Variants in DACH2 observed in about 807,000 individuals in gnomAD.
DACH2 encodes the protein dachshund homolog 2.
In DACH2, 17 loss-of-function variants were observed where a neutral mutation model predicts 35.8. The observed-to-expected ratio is 0.48, with a 90% confidence interval of 0.33 to 0.71. The LOEUF (loss-of-function observed/expected upper bound fraction) is 0.71. Ranked by LOEUF, DACH2 falls within the 30% of genes least tolerant of loss-of-function variation. DACH2 has a pLI of 0.02. For synonymous variants in DACH2, 195 were observed against 177.3 expected, an observed-to-expected ratio of 1.10 and a Z score of -0.79; for missense variants, 469 against 472.7, an observed-to-expected ratio of 0.99 and a Z score of 0.07.
chrX:86,424,257 C>T (rs781502014), intron 2 of DACH2, among the ~76,000 whole-genome samples: 2 of 110,907 alleles, frequency 1.8e-5, no homozygotes, highest in African/African-American at 3.3e-5. Context: ...TTCAGTGAAC[C>T]TGTAGATTGC....
intron 3 of DACH2, among the ~76,000 whole-genome samples, chrX:86,534,225 T>C (rs770232686): frequency 4.5e-5 from 5 of 111,804 alleles, no homozygotes; most frequent in African/African-American, 1.6e-4. Flanking sequence ...GTGCCCCAAG[T>C]TGAAGCTTTA....
chrX:86,547,830 A>G (rs1484435470), intron 3 of DACH2, among the ~76,000 whole-genome samples: 1 of 111,972 alleles, frequency 8.9e-6, no homozygotes, highest in African/African-American at 3.3e-5. Flanking sequence ...GTTAATTCTG[A>G]CTGTCATTAA....
At chrX:86,469,141 A>T (rs2037722796) in intron 2 of DACH2, among the ~76,000 whole-genome samples, 1 of 111,365 alleles carries the variant, frequency 9.0e-6, no homozygotes, top group Non-Finnish European at 1.9e-5. Flanking sequence ...TAATATGTGG[A>T]GTGTGAAAAA....
intron 3 of DACH2, among the ~76,000 whole-genome samples, chrX:86,564,638 C>T (rs2039271537): frequency 9.0e-6 from 1 of 111,296 alleles, no homozygotes. Flanking sequence ...CAGTAAAAGT[C>T]AGCAGTATCT....
intron 7 of DACH2, among the ~76,000 whole-genome samples, chrX:86,800,719 G>T (rs1419275330): frequency 5.4e-5 from 6 of 111,596 alleles, no homozygotes; most frequent in African/African-American, 2.0e-4. Context: ...TCCCATCCTG[G>T]AGTGCTGTGG....
chrX:86,827,907 C>G (rs2042577279), intron 11 of DACH2: 28 of 748,397 alleles, frequency 3.7e-5, no homozygotes, highest in Middle Eastern at 5.9e-4. Context: ...ACTGTTTGTT[C>G]ATTACTGATA....
intron 3 of DACH2, among the ~76,000 whole-genome samples, chrX:86,556,787 TATATATATAGAG>T (rs1440090226): frequency 0.018 from 733 of 39,820 alleles, 2 homozygotes; most frequent in South Asian, 0.028. Flanking sequence ...TATATATATA[TATATATATAGAG>T]AGAGAGAGAG....
At chrX:86,778,750 A>G (rs953520839) in intron 7 of DACH2, among the ~76,000 whole-genome samples, 41 of 110,628 alleles carry the variant, frequency 3.7e-4, no homozygotes, top group African/African-American at 1.3e-3. Context: ...AGCTGGGTTT[A>G]CAGGCACCTG....
At chrX:86,339,881 A>G (rs1304141601) in intron 1 of DACH2, among the ~76,000 whole-genome samples, 1 of 112,233 alleles carries the variant, frequency 8.9e-6, no homozygotes, top group Non-Finnish European at 1.9e-5. Flanking sequence ...AAAATAATAC[A>G]TAAAATGGCC....
intron 11 of DACH2, among the ~76,000 whole-genome samples, chrX:86,824,205 T>C (rs1485463689): frequency 2.7e-5 from 3 of 110,806 alleles, no homozygotes; most frequent in Non-Finnish European, 3.8e-5. Flanking sequence ...CAGCCGTTTA[T>C]AGACCTCCCC....
chrX:86,258,222 G>T (rs1357676369), intron 1 of DACH2, among the ~76,000 whole-genome samples: 1 of 112,105 alleles, frequency 8.9e-6, no homozygotes, highest in Non-Finnish European at 1.9e-5. Context: ...AAATCAGAAA[G>T]TTGTTCATTT....
At chrX:86,622,992 T>C (rs747736363) in intron 3 of DACH2, among the ~76,000 whole-genome samples, 4 of 112,007 alleles carry the variant, frequency 3.6e-5, no homozygotes, top group Non-Finnish European at 7.5e-5. Context: ...TGAAGATCTT[T>C]ATATCACCTT....
intron 3 of DACH2, among the ~76,000 whole-genome samples, chrX:86,537,379 A>G (rs775373467): frequency 9.0e-6 from 1 of 110,946 alleles, no homozygotes; most frequent in East Asian, 2.9e-4. Flanking sequence ...AGCACCAGTA[A>G]TTTCTAAAGT....
chrX:86,712,265 A>G (rs752468755), intron 5 of DACH2, among the ~76,000 whole-genome samples: 2 of 111,752 alleles, frequency 1.8e-5, no homozygotes, highest in Non-Finnish European at 3.8e-5. Flanking sequence ...ATATTATAAA[A>G]TATCATTATA....
At chrX:86,506,700 T>A (rs1448108137) in intron 2 of DACH2, among the ~76,000 whole-genome samples, 1 of 111,926 alleles carries the variant, frequency 8.9e-6, no homozygotes, top group Non-Finnish European at 1.9e-5. Flanking sequence ...GGCTCTCCTC[T>A]CCACTTTTAA....
At chrX:86,813,693 AG>A (rs2042418563) in intron 9 of DACH2, among the ~76,000 whole-genome samples, 2 of 109,070 alleles carry the variant, frequency 1.8e-5, no homozygotes, top group African/African-American at 3.3e-5. Context: ...GAAACCTTGG[AG>A]GTCACTTACC....
At chrX:86,641,091 T>C (rs887605870) in intron 3 of DACH2, among the ~76,000 whole-genome samples, 6 of 112,068 alleles carry the variant, frequency 5.4e-5, no homozygotes, top group Non-Finnish European at 7.5e-5. Context: ...ACAAGAGTTC[T>C]TAACAAGGCA....
chrX:86,384,337 G>A (rs1673092167), intron 2 of DACH2, among the ~76,000 whole-genome samples: 1 of 111,549 alleles, frequency 9.0e-6, no homozygotes, highest in South Asian at 3.7e-4. Context: ...TTTCTAAAAT[G>A]GAGTTGATTC....
intron 2 of DACH2, among the ~76,000 whole-genome samples, chrX:86,444,719 C>A (rs1302617402): frequency 9.0e-6 from 1 of 110,698 alleles, no homozygotes; most frequent in Non-Finnish European, 1.9e-5. Flanking sequence ...TTTACCTTTT[C>A]ATAATACCAA....
Sources: gnomAD v4.1 joint callset for allele counts (sites outside exome capture counted in the v4.1 genomes callset) on GRCh38, gnomAD v4.1.1 for gene constraint, MANE v1.5 for transcripts, NCBI Gene and HGNC (gene_info 2026-07-23, HGNC 2026-07-21) for gene names.